PLEKHA6: variants seen among roughly 807,000 people sequenced by gnomAD.
PLEKHA6 encodes pleckstrin homology domain-containing family A member 6.
Under a neutral mutation model 116.7 loss-of-function variants are expected in PLEKHA6, and 60 were observed. That is an observed-to-expected ratio of 0.51 (90% CI 0.42 to 0.64). The LOEUF (loss-of-function observed/expected upper bound fraction) is 0.64. Among genes scored for constraint, PLEKHA6 ranks in the 30% least tolerant of loss-of-function variants. The probability of loss-of-function intolerance (pLI) is 0.00; values close to 1 mark genes in which losing one functional copy is unlikely to be tolerated. For missense variants in PLEKHA6, 1,338 were observed against 1,422.7 expected, an observed-to-expected ratio of 0.94 and a Z score of 0.96; for synonymous variants, 489 against 556.1, an observed-to-expected ratio of 0.88 and a Z score of 1.70.
chr1:204,270,112 C>T (rs1483663354), intron 3 of PLEKHA6, among the ~76,000 whole-genome samples: 1 of 152,198 alleles, frequency 6.6e-6, no homozygotes, highest in Admixed American at 6.5e-5. Context: ...AAGCACTGGG[C>T]AGTCTTAACC....
intron 1 of PLEKHA6, among the ~76,000 whole-genome samples, chr1:204,297,584 T>C (rs1195486970): frequency 6.6e-6 from 1 of 150,562 alleles, no homozygotes; most frequent in Non-Finnish European, 1.5e-5. Flanking sequence ...TTATTCAATC[T>C]CTCTATGCCT....
Position 204,257,363 on chromosome 1 carries a change from C to A in PLEKHA6, c.1514G>T (p.Ser505Ile). The change falls in exon 9 of 23, where the codon AGC becomes ATC. Residue 505 changes from serine (S) to isoleucine (I), a missense_variant. Transcript: ENST00000272203. This position sits in a 1 kb window ranked among gnomAD's most constrained non-coding sequence, Gnocchi z 6.5. ...AGGCTGGTGGCTCACCTTGGGGGAG[C>A]TGATGGATCGCCTCATCACATAGGC... The part of the protein sequence containing the change: ...PAAYVMRRSI[S>I]SPKVPPYPEV... 5 of 1,561,678 alleles carry A rather than the reference C, an allele frequency of 3.2e-6. No homozygotes were observed. Among genetic ancestry groups the A allele is most frequent in the Non-Finnish European group, 4.3e-6 (5 of 1,152,476 alleles).
At chr1:204,346,830 G>C (rs1673073177) in intron 1 of PLEKHA6, 1 of 1,334,188 alleles carries the variant, frequency 7.5e-7, no homozygotes, top group African/African-American at 1.4e-5. Flanking sequence ...CCTTCCCATT[G>C]GTTCTCACAA....
chr1:204,264,849 G>C (rs1326729933), intron 6 of PLEKHA6, 93 bp downstream of exon 6: 1 of 940,930 alleles, frequency 1.1e-6, no homozygotes, highest in Non-Finnish European at 1.8e-6. Flanking sequence ...GGATTCCTTA[G>C]AGCGATGGCT....
At chr1:204,236,298 T>C (rs1410227652) in intron 17 of PLEKHA6, among the ~76,000 whole-genome samples, 4 of 152,152 alleles carry the variant, frequency 2.6e-5, no homozygotes, top group Non-Finnish European at 5.9e-5. Context: ...GTGAGCGAGA[T>C]GGAAATGCCT....
At chr1:204,328,624 G>T (rs1220159826) in intron 1 of PLEKHA6, among the ~76,000 whole-genome samples, 1 of 152,124 alleles carries the variant, frequency 6.6e-6, no homozygotes, top group East Asian at 1.9e-4. Flanking sequence ...GACCTCAGGT[G>T]ATCCGTCAGC....
intron 1 of PLEKHA6, chr1:204,297,185 G>A (rs1359865287): frequency 8.1e-6 from 8 of 982,120 alleles, no homozygotes; most frequent in Admixed American, 6.2e-5. Context: ...AAAATCTCCT[G>A]GCTCTAACAT....
Position 204,313,587 on chromosome 1 carries a change from G to GA in PLEKHA6, c.-94-38779dup, listed in dbSNP as rs557716906. The GA allele has an allele frequency of 3.4e-4, 337 of 985,210 alleles. 3 individuals are homozygous for GA. The South Asian group carries it at 6.7e-3, about 20-fold the overall frequency. 61.0% of individuals were successfully genotyped at this position (985,210 alleles called of 1,614,324 possible). A position where few individuals can be genotyped will look rare whatever the true frequency, so the allele number is the denominator to read the frequency against. On this transcript the variant is annotated intron_variant, in intron 1 of 22. Transcript: ENST00000272203. ...TGCTTCTCTTCTCAGTCCCTGGGGAGAAAATTCTCTTGTTGGCAGTCTATA... is the reference window on the plus strand; with the variant it reads ...TGCTTCTCTTCTCAGTCCCTGGGGAGAAAAATTCTCTTGTTGGCAGTCTATA...
intron 1 of PLEKHA6, among the ~76,000 whole-genome samples, chr1:204,334,096 G>A (rs1216714524): frequency 6.6e-6 from 1 of 152,200 alleles, no homozygotes; most frequent in Admixed American, 6.5e-5. Flanking sequence ...TGCTCTGGGG[G>A]AAGTCCTGGG....
At chr1:204,244,441 G>A (rs1246088133) in intron 15 of PLEKHA6, among the ~76,000 whole-genome samples, 1 of 151,928 alleles carries the variant, frequency 6.6e-6, no homozygotes, top group African/African-American at 2.4e-5. Flanking sequence ...TGCCACGTGT[G>A]TATCTTTCTA....
chr1:204,241,731 G>A lies in PLEKHA6; in HGVS notation c.2256C>T (p.Pro752=), dbSNP rs150660917. 6.8e-6 allele frequency: 11 copies of A among 1,611,132 alleles called. No individual in the cohort carries two copies. In the African/African-American group the frequency reaches 1.2e-4, roughly 18 times the overall value. Residue 752 remains proline (P), a synonymous_variant, in exon 16 of 23, where the codon CCC becomes CCT. Coordinates refer to ENST00000272203, the MANE Select transcript of PLEKHA6 (RefSeq NM_014935.5). ...LDTPRDISLV[P]TRQEVEAEKQ... is the part of the protein sequence containing the mutation. The stretch of plus-strand genomic sequence containing the variant: ...TCTCTGCCTCTACCTCTTGCCTGGT[G>A]GGCACAAGGCTGATGTCTCTGGGGG...
intron 3 of PLEKHA6, among the ~76,000 whole-genome samples, chr1:204,269,286 A>G (rs2102865192): frequency 7.7e-6 from 1 of 129,646 alleles, no homozygotes; most frequent in Non-Finnish European, 1.7e-5. Context: ...TTACTTCCCT[A>G]CAAAGCCTGG....
chr1:204,264,791 A>C (rs1006019138), intron 6 of PLEKHA6, 151 bp downstream of exon 6: 6 of 686,288 alleles, frequency 8.7e-6, no homozygotes, highest in African/African-American at 7.1e-5. Flanking sequence ...GGCCATTACT[A>C]CTCCTCCTCC....
rs544562026 is a variant in PLEKHA6, at chr1:204,261,587, C to A, written c.382-139G>T. 3 of 966,054 alleles carry A rather than the reference C, an allele frequency of 3.1e-6. No individual in the cohort carries two copies. Among genetic ancestry groups the A allele is most frequent in the Admixed American group, 2.9e-5 (1 of 34,198 alleles). 59.8% of individuals were successfully genotyped at this position (966,054 alleles called of 1,614,324 possible). On this transcript the variant is annotated intron_variant, in intron 6 of 22. Coordinates refer to ENST00000272203, the MANE Select transcript of PLEKHA6 (RefSeq NM_014935.5). This position sits in a 1 kb window ranked among gnomAD's most constrained non-coding sequence, Gnocchi z 4.0. ...CCTGCACCTGGGGCTCTTCCCCATG[C>A]GGAGCTCAGGAGCAAGGTGAAGAGG...
At chr1:204,374,395 T>G (rs1023612082) in intron 1 of PLEKHA6, among the ~76,000 whole-genome samples, 1 of 152,176 alleles carries the variant, frequency 6.6e-6, no homozygotes, top group Non-Finnish European at 1.5e-5. Context: ...CTCTGCTACC[T>G]AGCCCCTCTC....
chr1:204,368,655 G>A (rs540366553), intron 2 of PLEKHA6: 100 of 152,892 alleles, frequency 6.5e-4, no homozygotes, highest in African/African-American at 2.3e-3. Context: ...GCAGCATCCC[G>A]CCTCCCCGGC....
chr1:204,350,426 G>GT (rs1673237049), intron 1 of PLEKHA6, among the ~76,000 whole-genome samples: 1 of 152,242 alleles, frequency 6.6e-6, no homozygotes, highest in African/African-American at 2.4e-5. Context: ...ACTCCTTGAG[G>GT]TAAGAGCCAT....
At chr1:204,318,239 C>A (rs1253039705) in intron 1 of PLEKHA6, among the ~76,000 whole-genome samples, 2 of 152,176 alleles carry the variant, frequency 1.3e-5, no homozygotes, top group Non-Finnish European at 2.9e-5. Flanking sequence ...ACTGGAGGAG[C>A]AGTGGCTGGA....
At chr1:204,245,149 G>A (rs1034980942) in intron 14 of PLEKHA6, 146 bp from the exon 15 acceptor site, 6 of 554,182 alleles carry the variant, frequency 1.1e-5, no homozygotes, top group South Asian at 3.1e-5. Flanking sequence ...ACCTGGGCCT[G>A]CCAAAGGGGC....
Sources: allele counts gnomAD v4.1 joint callset (sites outside exome capture counted in the v4.1 genomes callset), GRCh38; gene constraint gnomAD v4.1.1; non-coding constraint Gnocchi (gnomAD v3.1); transcripts MANE v1.5; gene names NCBI Gene and HGNC (gene_info 2026-07-23, HGNC 2026-07-21).